Variants in TADA3 observed in about 807,000 individuals in gnomAD.
The protein encoded by TADA3 is transcriptional adaptor 3.
TADA3 carries 25 observed loss-of-function variants against 43.2 expected under a neutral mutation model. That is an observed-to-expected ratio of 0.58 (90% CI 0.42 to 0.81). The LOEUF (loss-of-function observed/expected upper bound fraction) is 0.81. Among genes scored for constraint, TADA3 ranks in the 30% least tolerant of loss-of-function variants. TADA3 has a pLI of 0.00. For synonymous variants in TADA3, 235 were observed against 225.5 expected, an observed-to-expected ratio of 1.04 and a Z score of -0.38; for missense variants, 441 against 567.8, an observed-to-expected ratio of 0.78 and a Z score of 2.27.
chr3:9,792,727 A>T (rs1027456953), upstream of TADA3: 20 of 1,236,018 alleles, frequency 1.6e-5, no homozygotes, highest in African/African-American at 2.5e-4. Context: ...GAGAGAAAGG[A>T]TGGGGGTACA....
chr3:9,781,581 C>T (rs907166083), intron 8 of TADA3: 3 of 456,542 alleles, frequency 6.6e-6, no homozygotes, highest in South Asian at 1.5e-5. Flanking sequence ...AAGGTCTAGG[C>T]AGCCTGAGGC....
rs897481607 is a variant in TADA3 at position 9,784,252 on chromosome 3, C to G, written c.921-39G>C. 3.2e-6 allele frequency: 5 copies of G among 1,582,140 alleles called. No individual in the cohort carries two copies. The South Asian group carries it at 4.5e-5, about 14-fold the overall frequency. ...CAGGCCCGTCAGACTCAAGAGCCAG[C>G]TTGGAGAAGGGCCCACCTTGGAGGT... On this transcript the variant is annotated intron_variant, in intron 7 of 8. Coordinates refer to ENST00000301964, the MANE Select transcript of TADA3 (RefSeq NM_006354.5).
intron 6 of TADA3, among the ~76,000 whole-genome samples, chr3:9,786,682 G>A (rs570597802): frequency 6.6e-6 from 1 of 152,298 alleles, no homozygotes; most frequent in Non-Finnish European, 1.5e-5. Context: ...GTGGAGTAAG[G>A]CTACCTTTGG....
chr3:9,780,339 C>T lies in TADA3; in HGVS notation c.*18G>A, dbSNP rs3887189. ...CCCTCCCCTAGGCCAGATAATCAGCCTGAGGCAGGGGTGAGGGCTACCCAT... is the reference window on the plus strand; with the variant it reads ...CCCTCCCCTAGGCCAGATAATCAGCTTGAGGCAGGGGTGAGGGCTACCCAT... On this transcript the variant is annotated 3_prime_UTR_variant, in exon 9 of 9. Coordinates refer to ENST00000301964, the MANE Select transcript of TADA3 (RefSeq NM_006354.5). 28 of 1,601,416 alleles carry T rather than the reference C, an allele frequency of 1.7e-5. No individual in the cohort carries two copies. The African/African-American group carries it at 2.3e-4, about 13-fold the overall frequency.
At chr3:9,792,530 C>T (rs2078764485), upstream of TADA3, 19 of 1,223,518 alleles carry the variant, frequency 1.6e-5, no homozygotes, top group Non-Finnish European at 1.8e-5. Context: ...CGAGGGCGAG[C>T]CTACTGGAGT....
chr3:9,791,246 T>C lies in TADA3; in HGVS notation c.207+14A>G. On this transcript the variant is annotated intron_variant, in intron 2 of 8. Coordinates refer to ENST00000301964, the MANE Select transcript of TADA3 (RefSeq NM_006354.5). ...AGTCCATCTCTGGTGCTGGCCCCTC[T>C]CTGGGGTTATCACCTGGGTTTCGGC... is the stretch of plus-strand genomic sequence containing the variant. 1 of 1,607,858 alleles carries C rather than the reference T, an allele frequency of 6.2e-7. No homozygotes were observed. The highest frequency in any genetic ancestry group is 2.2e-5 in the East Asian group (1 of 44,866).
Position 9,787,124 on chromosome 3 carries a change from G to C in TADA3, c.707-15C>G. ...GGCATCCACATCTAAGCGGGCACAG[G>C]AAAGGAGGGGAGGTGGGCTGAAGTT... On this transcript the variant is annotated splice_polypyrimidine_tract_variant and intron_variant, in intron 5 of 8. Coordinates refer to ENST00000301964, the MANE Select transcript of TADA3 (RefSeq NM_006354.5). The C allele has an allele frequency of 6.2e-7, 1 of 1,614,212 alleles. No homozygotes were observed. Among genetic ancestry groups the C allele is most frequent in the Non-Finnish European group, 8.5e-7 (1 of 1,180,044 alleles).
Position 9,786,896 on chromosome 3 carries a change from C to T in TADA3, c.810+110G>A, listed in dbSNP as rs980902885. 1.2e-5 allele frequency: 12 copies of T among 1,004,154 alleles called. No homozygotes were observed. In the Admixed American group the frequency reaches 1.5e-4, roughly 13 times the overall value. The allele number at this position is 1,004,154 out of a possible 1,614,324, so 62.2% of individuals were successfully genotyped here. On this transcript the variant is annotated intron_variant, in intron 6 of 8. Transcript: ENST00000301964. ...GTCCAGGTTTTTACTTTTGCACCAA[C>T]CTATTTTTGCACCAACCTAATAAAT...
upstream of TADA3, chr3:9,792,845 G>C (rs922341282): frequency 1.1e-5 from 15 of 1,364,086 alleles, no homozygotes; most frequent in African/African-American, 2.1e-4. Context: ...TGGCAAAGGT[G>C]ACAAGAAGGC....
chr3:9,792,425 C>T lies in TADA3; in HGVS notation c.-237G>A. ...CGGCCTCCTACGGCCCCAGGGGCCGCGGGAGGGGGCGGGGAGTTCCGGTCG... is the reference window on the plus strand; with the variant it reads ...CGGCCTCCTACGGCCCCAGGGGCCGTGGGAGGGGGCGGGGAGTTCCGGTCG... On this transcript the variant is annotated 5_prime_UTR_variant, in exon 1 of 9. Coordinates refer to ENST00000301964, the MANE Select transcript of TADA3 (RefSeq NM_006354.5). 1 of 1,055,978 alleles carries T rather than the reference C, an allele frequency of 9.5e-7. No homozygotes were observed. The highest frequency in any genetic ancestry group is 4.6e-5 in the South Asian group (1 of 21,542). The allele number at this position is 1,055,978 out of a possible 1,614,324, so 65.4% of individuals were successfully genotyped here.
At chr3:9,783,542 C>G (rs2078530648) in intron 8 of TADA3, 1 of 152,502 alleles carries the variant, frequency 6.6e-6, no homozygotes, top group South Asian at 2.1e-4. Flanking sequence ...CTTTGGGAGG[C>G]CGAGGCGGGT....
At chr3:9,787,449 G>C in intron 4 of TADA3, 109 bp from the exon 5 acceptor site, 2 of 1,431,022 alleles carry the variant, frequency 1.4e-6, no homozygotes, top group East Asian at 2.4e-5. Flanking sequence ...CTAGTCCAAG[G>C]CCAAGCCCAG....
chr3:9,792,084 T>C (rs2078750470), intron 1 of TADA3, 132 bp downstream of exon 1: 1 of 152,424 alleles, frequency 6.6e-6, no homozygotes, highest in Admixed American at 6.5e-5. Context: ...TCTACTTATA[T>C]GCCCCTGAAC....
rs2078695947 is a variant in TADA3, at chr3:9,789,900, C to A, written c.271G>T (p.Glu91Ter). The change falls in exon 3 of 9, where the codon GAA becomes TAA. Residue 91 changes from glutamate (E) to a stop codon, truncating the protein, a stop_gained. Transcript: ENST00000301964. LOFTEE classifies it high-confidence loss of function. ...CCATGTTTGGGGGGAGCTCCAAGTT[C>A]ATGGTCTCGACCCAGCTTCAGGAAT... ...RRFLKLGRDH[E>*]LGAPPKHGKP... The A allele has an allele frequency of 6.2e-7, 1 of 1,614,192 alleles. No homozygotes were observed. The highest frequency in any genetic ancestry group is 2.2e-5 in the East Asian group (1 of 44,888).
At chr3:9,791,680 A>C (rs527880691) in intron 1 of TADA3, among the ~76,000 whole-genome samples, 187 bp from the exon 2 acceptor site, 2 of 152,334 alleles carry the variant, frequency 1.3e-5, no homozygotes, top group East Asian at 3.9e-4. Flanking sequence ...TTATCAGTTT[A>C]TCTCACTGAA....
chr3:9,789,955 G>A lies in TADA3; in HGVS notation c.216C>T (p.Thr72=), dbSNP rs202009584. ...RVLEAETQIL[T]DWQDKKGDRR... is the part of the protein sequence containing the mutation. The stretch of plus-strand genomic sequence containing the variant: ...TGTCACCTTTCTTATCCTGCCAGTC[G>A]GTGAGGATCTGAAATTTACAGAAAG... The change falls in exon 3 of 9, where the codon ACC becomes ACT. Residue 72 remains threonine (T), a synonymous_variant. Coordinates refer to ENST00000301964, the MANE Select transcript of TADA3 (RefSeq NM_006354.5). 1,210 of 1,593,524 alleles carry A rather than the reference G, an allele frequency of 7.6e-4. 12 individuals carry two copies. In the South Asian group the frequency reaches 0.01, roughly 13 times the overall value.
chr3:9,789,465 C>A, intron 4 of TADA3, 44 bp downstream of exon 4: 1 of 1,567,994 alleles, frequency 6.4e-7, no homozygotes, highest in Non-Finnish European at 8.7e-7. Context: ...CACCTCTGAA[C>A]TCTCTTGTTC....
At chr3:9,792,648 G>A (rs2078767485), upstream of TADA3, 1 of 1,231,430 alleles carries the variant, frequency 8.1e-7, no homozygotes, top group Non-Finnish European at 1.0e-6. Context: ...GGGAGGCGGA[G>A]CTTGGCGGCC....
rs113399512 is a variant in TADA3, at chr3:9,792,383, C to T, written c.-195G>A. 4.5e-6 allele frequency: 3 copies of T among 661,578 alleles called. No homozygotes were observed. Among genetic ancestry groups the T allele is most frequent in the African/African-American group, 3.8e-5 (2 of 52,064 alleles). 41.0% of individuals were successfully genotyped at this position (661,578 alleles called of 1,614,324 possible). On this transcript the variant is annotated 5_prime_UTR_variant, in exon 1 of 9. Transcript: ENST00000301964. ...GGACACCCTAGTGCGACCCCCGCCCCCTCTACCTCCTCGCTGCGGCCTCCT... is the reference window on the plus strand; with the variant it reads ...GGACACCCTAGTGCGACCCCCGCCCTCTCTACCTCCTCGCTGCGGCCTCCT...
Sources: gnomAD v4.1 joint callset for allele counts (sites outside exome capture counted in the v4.1 genomes callset) on GRCh38, gnomAD v4.1.1 for gene constraint, MANE v1.5 for transcripts, NCBI Gene and HGNC (gene_info 2026-07-23, HGNC 2026-07-21) for gene names.